Variants in FAM227B observed in about 807,000 individuals in gnomAD.
The protein encoded by FAM227B is protein FAM227B.
In FAM227B, 88 loss-of-function variants were observed where a neutral mutation model predicts 73.8. The observed-to-expected ratio is 1.19, with a 90% CI of 1.00 to 1.42. FAM227B has a LOEUF of 1.42. Ranked by LOEUF, FAM227B falls within the 40% of genes most tolerant of loss-of-function variation. The pLI is 0.00. For missense variants in FAM227B, 632 were observed against 590.9 expected (o/e 1.07, Z -0.72); for synonymous variants, 210 against 190.5 (o/e 1.10, Z -0.84).
intron 9 of FAM227B, among the ~76,000 whole-genome samples, chr15:49,554,621 G>A (rs114524690): frequency 0.017 from 2,604 of 152,248 alleles, 36 homozygotes; most frequent in Middle Eastern, 0.037. Flanking sequence ...TCTTTCCCCA[G>A]CACCCAGAAA....
At chr15:49,541,491 A>G (rs574883071) in intron 10 of FAM227B, among the ~76,000 whole-genome samples, 189 bp downstream of exon 10, 17 of 152,136 alleles carry the variant, frequency 1.1e-4, no homozygotes, top group Non-Finnish European at 1.9e-4. Context: ...TTTAATAAGT[A>G]ATTAATTATG....
chr15:49,353,937 C>G (rs1009047559), intron 13 of FAM227B: 34 of 152,008 alleles, frequency 2.2e-4, no homozygotes, highest in Non-Finnish European at 1.5e-5. Context: ...TTGTTATTCA[C>G]ATATTGGTTA....
At chr15:49,476,341 G>T (rs2055319330) in intron 11 of FAM227B, among the ~76,000 whole-genome samples, 2 of 150,508 alleles carry the variant, frequency 1.3e-5, no homozygotes, top group Admixed American at 6.6e-5. Flanking sequence ...TTAATATCCA[G>T]ATAGGATATC....
intron 3 of FAM227B, among the ~76,000 whole-genome samples, chr15:49,591,442 C>T (rs1377847576): frequency 8.0e-6 from 1 of 124,880 alleles, no homozygotes; most frequent in Non-Finnish European, 1.6e-5. Flanking sequence ...TCCCAAAGTG[C>T]TGGGATTACA....
chr15:49,577,355 ACC>A (rs2075520636), intron 6 of FAM227B: 1 of 383,640 alleles, frequency 2.6e-6, no homozygotes, highest in Non-Finnish European at 4.8e-6. Flanking sequence ...GAAATTAAGA[ACC>A]CTAGCACATT....
intron 13 of FAM227B, chr15:49,353,693 C>A (rs1226436084): frequency 6.6e-6 from 1 of 151,286 alleles, no homozygotes; most frequent in Non-Finnish European, 1.5e-5. Flanking sequence ...TCACTTCGCC[C>A]AGAGTATTTT....
At chr15:49,474,977 T>C (rs2055120866) in intron 11 of FAM227B, among the ~76,000 whole-genome samples, 2 of 144,990 alleles carry the variant, frequency 1.4e-5, no homozygotes, top group Middle Eastern at 3.7e-3. Flanking sequence ...TTTGAATTTA[T>C]ATTTAAAATT....
intron 13 of FAM227B, among the ~76,000 whole-genome samples, chr15:49,364,839 G>T (rs1204407861): frequency 6.6e-6 from 1 of 151,828 alleles, no homozygotes; most frequent in Non-Finnish European, 1.5e-5. Flanking sequence ...AAAGCATAGG[G>T]ATGGGTCAAG....
intron 9 of FAM227B, 106 bp from the exon 10 acceptor site, chr15:49,541,912 AC>A (rs1313175230): frequency 3.2e-6 from 3 of 924,544 alleles, no homozygotes; most frequent in Admixed American, 4.3e-5. Flanking sequence ...CAATTTATTA[AC>A]CGAATAAAAA....
At chr15:49,359,110 C>T (rs1376063039) in intron 13 of FAM227B, among the ~76,000 whole-genome samples, 47 of 151,816 alleles carry the variant, frequency 3.1e-4, no homozygotes, top group South Asian at 4.2e-4. Flanking sequence ...AAGACTTAAA[C>T]GTTAGACCTA....
chr15:49,573,959 G>A (rs2075286265), intron 8 of FAM227B, among the ~76,000 whole-genome samples: 1 of 151,876 alleles, frequency 6.6e-6, no homozygotes, highest in South Asian at 2.1e-4. Context: ...TTTTTATTAG[G>A]TGCATAAATA....
At chr15:49,382,676 G>C (rs1339306041) in intron 11 of FAM227B, among the ~76,000 whole-genome samples, 1 of 151,968 alleles carries the variant, frequency 6.6e-6, no homozygotes, top group Non-Finnish European at 1.5e-5. Context: ...TAATAAACAA[G>C]GACATCTTAT....
chr15:49,341,845 G>A (rs2040775833), intron 13 of FAM227B, among the ~76,000 whole-genome samples: 2 of 152,202 alleles, frequency 1.3e-5, no homozygotes, highest in African/African-American at 4.8e-5. Flanking sequence ...ATTCAATTGT[G>A]TGGTTTTGGG....
intron 11 of FAM227B, among the ~76,000 whole-genome samples, chr15:49,397,119 T>A (rs928094672): frequency 2.0e-5 from 3 of 152,114 alleles, no homozygotes; most frequent in African/African-American, 7.2e-5. Context: ...GAAGAATGTA[T>A]AATTAGAATA....
intron 3 of FAM227B, among the ~76,000 whole-genome samples, chr15:49,597,718 C>T (rs957096632): frequency 2.0e-5 from 3 of 151,878 alleles, no homozygotes; most frequent in Non-Finnish European, 4.4e-5. Flanking sequence ...AATTGACAGA[C>T]CATTAGCGAG....
intron 11 of FAM227B, among the ~76,000 whole-genome samples, chr15:49,446,165 A>G (rs1360121444): frequency 6.6e-6 from 1 of 151,632 alleles, no homozygotes; most frequent in African/African-American, 2.4e-5. Context: ...TCATTGAGGA[A>G]GGCTTCACTC....
chr15:49,508,448 C>T (rs2152114878), intron 10 of FAM227B, 100 bp from the exon 11 acceptor site: 3 of 1,129,316 alleles, frequency 2.7e-6, no homozygotes, highest in South Asian at 1.8e-5. Context: ...ATTTCATCCT[C>T]ACAACAAAAA....
In FAM227B at chr15:49,620,816, C is replaced by G. The variant is rs1050481482; in HGVS notation, c.-189G>C. On this transcript the variant is annotated 5_prime_UTR_variant, in exon 1 of 16. Transcript: ENST00000299338. ...AGGCTTGAGGCGGGTCCCGGACGAA[C>G]GCGGCCCTGCCCCTCGCCGGAGCCT... is the stretch of plus-strand genomic sequence containing the variant. The G allele has an allele frequency of 6.6e-6, 1 of 152,166 alleles. No individual in the cohort carries two copies. Among genetic ancestry groups the G allele is most frequent in the African/African-American group, 2.4e-5 (1 of 41,442 alleles). 9.4% of individuals were successfully genotyped at this position (152,166 alleles called of 1,614,324 possible). A position where few individuals can be genotyped will look rare whatever the true frequency, so the allele number is the denominator to read the frequency against.
At chr15:49,576,554 C>T (rs1598339973) in intron 7 of FAM227B, 187 bp downstream of exon 7, 1 of 507,692 alleles carries the variant, frequency 2.0e-6, no homozygotes, top group East Asian at 3.4e-5. Flanking sequence ...AGCAGTAACA[C>T]AGAGTTTAAT....
Sources: gnomAD v4.1 joint callset for allele counts (sites outside exome capture counted in the v4.1 genomes callset) on GRCh38, gnomAD v4.1.1 for gene constraint, MANE v1.5 for transcripts, NCBI Gene and HGNC (gene_info 2026-07-23, HGNC 2026-07-21) for gene names.